PI15: variants seen among roughly 807,000 people sequenced by gnomAD.
PI15 encodes the protein peptidase inhibitor 15, also known as 25 kDa trypsin inhibitor.
PI15 carries 18 observed loss-of-function variants against 31.0 expected under a neutral mutation model. The observed-to-expected ratio is 0.58, with a 90% CI of 0.40 to 0.86. The LOEUF is 0.86. Ranked by LOEUF, PI15 falls within the 40% of genes least tolerant of loss-of-function variation. The pLI, the probability that PI15 is intolerant of heterozygous loss-of-function variation, is 0.00. For missense variants in PI15, 282 were observed against 328.1 expected (o/e 0.86, Z 1.09); for synonymous variants, 118 against 119.1 (o/e 0.99, Z 0.06).
In PI15 at chr8:74,849,198, C is replaced by A. The variant is rs1782594758; in HGVS notation, c.722C>A (p.Thr241Asn). 1 of 1,612,204 alleles carries A rather than the reference C, an allele frequency of 6.2e-7. No individual in the cohort carries two copies. Among genetic ancestry groups the A allele is most frequent in the Admixed American group, 1.7e-5 (1 of 59,982 alleles). The change falls in exon 6 of 6, where the codon ACT (threonine) becomes AAT (asparagine). Residue 241 changes from threonine (T) to asparagine (N), a missense_variant. Coordinates refer to ENST00000260113, the MANE Select transcript of PI15 (RefSeq NM_015886.5). ...CCTCCAAGTTATGGGGGATCTTGTACTGACAATCTGTGTTTTCCAGGAGTT... is the reference window on the plus strand; with the variant it reads ...CCTCCAAGTTATGGGGGATCTTGTAATGACAATCTGTGTTTTCCAGGAGTT... ...SCPPSYGGSCTDNLCFPGVTS... is the reference protein window; with the variant it reads ...SCPPSYGGSCNDNLCFPGVTS...
At position 74,825,404 on chromosome 8, in the gene PI15, A is replaced by C; in HGVS notation, c.155A>C (p.Asp52Ala). 1.9e-6 allele frequency: 3 copies of C among 1,613,494 alleles called. No individual in the cohort carries two copies. The highest frequency in any genetic ancestry group is 2.5e-6 in the Non-Finnish European group (3 of 1,179,604). ...CTGAAAGCACAATTAGATTCAGCGG[A>C]TATCCCCAAAGCCAGGCGGAAGCGC... Reference protein sequence around the residue: ...AALKAQLDSADIPKARRKRYI... With the variant: ...AALKAQLDSAAIPKARRKRYI... The change falls in exon 2 of 6, where the codon GAT becomes GCT. Residue 52 changes from aspartate (D) to alanine (A), a missense_variant. Coordinates refer to ENST00000260113, the MANE Select transcript of PI15 (RefSeq NM_015886.5).
In PI15 at chr8:74,850,042, A is replaced by G. The variant is rs1164043909; in HGVS notation, c.*789A>G. 6.6e-6 allele frequency: 1 copy of G among 152,228 alleles called. No individual in the cohort carries two copies. 9.4% of individuals were successfully genotyped at this position (152,228 alleles called of 1,614,324 possible). On this transcript the variant is annotated 3_prime_UTR_variant, in exon 6 of 6. Coordinates refer to ENST00000260113, the MANE Select transcript of PI15 (RefSeq NM_015886.5). ...TAATTAGACATGGTTCCCGCCCTCAAGAAGCTCACAAAAGTATTCAGGAAA... is the reference window on the plus strand; with the variant it reads ...TAATTAGACATGGTTCCCGCCCTCAGGAAGCTCACAAAAGTATTCAGGAAA...
At chr8:74,848,374 G>C (rs1180701132) in intron 5 of PI15, among the ~76,000 whole-genome samples, 1 of 152,028 alleles carries the variant, frequency 6.6e-6, no homozygotes, top group African/African-American at 2.4e-5. Flanking sequence ...AAAATACTTT[G>C]CAGAAGCAAA....
chr8:74,825,535 CT>C lies in PI15; in HGVS notation c.273+27del, dbSNP rs36083765. ...TATGGAATATATGGTAAGAAGAATTCTTTTTTTTTTTTTTAAGTTCTGAGTG... is the reference window on the plus strand; with the variant it reads ...TATGGAATATATGGTAAGAAGAATTCTTTTTTTTTTTTTAAGTTCTGAGTG... On this transcript the variant is annotated intron_variant, in intron 2 of 5. Coordinates refer to ENST00000260113, the MANE Select transcript of PI15 (RefSeq NM_015886.5). 128,785 of 1,315,906 alleles carry C rather than the reference CT, an allele frequency of 0.098. 2 individuals carry two copies. The highest frequency in any genetic ancestry group is 0.26 in the East Asian group (8,216 of 31,158). 81.5% of individuals were successfully genotyped at this position (1,315,906 alleles called of 1,614,324 possible).
chr8:74,832,115 A>G (rs1323132904), intron 2 of PI15, among the ~76,000 whole-genome samples: 1 of 152,146 alleles, frequency 6.6e-6, no homozygotes, highest in African/African-American at 2.4e-5. Context: ...AAAAACCATA[A>G]ATTAGAACCG....
chr8:74,845,560 AT>A (rs1486445372), intron 5 of PI15, 63 bp downstream of exon 5: 1 of 1,007,954 alleles, frequency 9.9e-7, no homozygotes, highest in Non-Finnish European at 1.6e-6. Context: ...CCCTAGGCTG[AT>A]AGTTATCTGT....
At position 74,845,136 on chromosome 8, in the gene PI15, C is replaced by G. The variant is rs375393764; in HGVS notation, c.401C>G (p.Ser134Cys). 2.2e-5 allele frequency: 36 copies of G among 1,612,622 alleles called. No homozygotes were observed. The highest frequency in any genetic ancestry group is 1.6e-4 in the Middle Eastern group (1 of 6,082). The change falls in exon 4 of 6, where the codon TCT (serine) becomes TGT (cysteine). Residue 134 changes from serine to cysteine, a missense_variant. Ser to Cys is a moderately radical substitution (Grantham distance 112). Coordinates refer to ENST00000260113, the MANE Select transcript of PI15 (RefSeq NM_015886.5). ...CTTTTCTTTATATGCAGATATCGCT[C>G]TATTCTCCAGTTGGTCAAGCCATGG... ...NLSVRTGRYR[S>C]ILQLVKPWYD...
chr8:74,843,788 C>G (rs1429761290), intron 2 of PI15, among the ~76,000 whole-genome samples, 193 bp from the exon 3 acceptor site: 2 of 152,022 alleles, frequency 1.3e-5, no homozygotes, highest in Non-Finnish European at 2.9e-5. Context: ...TGCTTGACCC[C>G]GGGGAGGCAG....
chr8:74,840,623 GA>G (rs1215022128), intron 2 of PI15, among the ~76,000 whole-genome samples: 1 of 152,132 alleles, frequency 6.6e-6, no homozygotes, highest in Non-Finnish European at 1.5e-5. Flanking sequence ...TCCCCTTCTT[GA>G]GTAGATGCAA....
intron 2 of PI15, among the ~76,000 whole-genome samples, chr8:74,827,613 A>G (rs1242863173): frequency 6.6e-6 from 1 of 152,156 alleles, no homozygotes; most frequent in Non-Finnish European, 1.5e-5. Flanking sequence ...GCACTGCTGG[A>G]ATTAGAATTT....
chr8:74,834,739 C>A (rs1273355466), intron 2 of PI15, among the ~76,000 whole-genome samples: 1 of 152,180 alleles, frequency 6.6e-6, no homozygotes, highest in African/African-American at 2.4e-5. Flanking sequence ...TCACTGGTTG[C>A]ACTTTCTGGT....
chr8:74,838,994 T>C (rs1810907851), intron 2 of PI15, among the ~76,000 whole-genome samples: 1 of 152,230 alleles, frequency 6.6e-6, no homozygotes, highest in Non-Finnish European at 1.5e-5. Flanking sequence ...CATCAAATTT[T>C]TCTGTCTACT....
intron 2 of PI15, among the ~76,000 whole-genome samples, chr8:74,830,418 T>C (rs1295065881): frequency 1.4e-4 from 22 of 152,138 alleles, no homozygotes; most frequent in Admixed American, 1.4e-3. Context: ...CCTATCATTT[T>C]TGGAAAAAAG....
chr8:74,825,139 G>A (rs1164610105), intron 1 of PI15, 71 bp from the exon 2 acceptor site: 4 of 853,806 alleles, frequency 4.7e-6, no homozygotes, highest in East Asian at 2.4e-5. Flanking sequence ...CCCAAATGAT[G>A]TCTTTGTAAA....
At chr8:74,828,725 A>T (rs1227542841) in intron 2 of PI15, among the ~76,000 whole-genome samples, 1 of 152,062 alleles carries the variant, frequency 6.6e-6, no homozygotes, top group Non-Finnish European at 1.5e-5. Flanking sequence ...ACTTCTCCTC[A>T]GTGAGTGATA....
Position 74,845,184 on chromosome 8 carries a change from CT to C in PI15, c.453del (p.Pro152HisfsTer12), listed in dbSNP as rs759935382. 6.2e-7 allele frequency: 1 copy of C among 1,612,230 alleles called. No individual in the cohort carries two copies. Among genetic ancestry groups the C allele is most frequent in the South Asian group, 1.1e-5 (1 of 91,048 alleles). Reference sequence around the variant, plus strand: ...TGGTATGATGAAGTGAAAGATTATGCTTTTCCATATCCCCAGGATTGCAACC... The same window carrying C: ...TGGTATGATGAAGTGAAAGATTATGCTTTCCATATCCCCAGGATTGCAACC... ...KPWYDEVKDY[A>X]FPYPQDCNPR... On this transcript the variant is annotated frameshift_variant, in exon 4 of 6. Coordinates refer to ENST00000260113, the MANE Select transcript of PI15 (RefSeq NM_015886.5). LOFTEE classifies it high-confidence loss of function.
intron 2 of PI15, among the ~76,000 whole-genome samples, chr8:74,828,199 G>A (rs985578575): frequency 5.3e-5 from 8 of 152,068 alleles, no homozygotes; most frequent in Non-Finnish European, 1.2e-4. Context: ...GTGGCTTGTG[G>A]TAAGGGTTTG....
chr8:74,850,991 T>C lies in PI15; in HGVS notation c.*1738T>C, dbSNP rs1811096946. On this transcript the variant is annotated 3_prime_UTR_variant, in exon 6 of 6. Coordinates refer to ENST00000260113, the MANE Select transcript of PI15 (RefSeq NM_015886.5). The stretch of plus-strand genomic sequence containing the variant: ...GTTTCTTGTACACATTTGGATACTT[T>C]GAAAGATGACAGATTGTTAAATCCA... The C allele has an allele frequency of 6.6e-6, 1 of 152,596 alleles. No individual in the cohort carries two copies. Among genetic ancestry groups the C allele is most frequent in the African/African-American group, 2.4e-5 (1 of 41,450 alleles). The allele number at this position is 152,596 out of a possible 1,614,324, so 9.5% of individuals were successfully genotyped here. A position where few individuals can be genotyped will look rare whatever the true frequency, so the allele number is the denominator to read the frequency against.
Position 74,843,952 on chromosome 8 carries a change from G to T in PI15, c.274-29G>T, listed in dbSNP as rs537958811. 4.0e-6 allele frequency: 4 copies of T among 1,002,960 alleles called. No individual in the cohort carries two copies. The African/African-American group carries it at 4.8e-5, about 12-fold the overall frequency. 62.1% of individuals were successfully genotyped at this position (1,002,960 alleles called of 1,614,324 possible). A position where few individuals can be genotyped will look rare whatever the true frequency, so the allele number is the denominator to read the frequency against. On this transcript the variant is annotated intron_variant, in intron 2 of 5. Coordinates refer to ENST00000260113, the MANE Select transcript of PI15 (RefSeq NM_015886.5). ...TTTTTGTTTGTTATCAGCAAATTCC[G>T]TAACGCTGAAGATTTTTTTCCCCTA...
Sources: gnomAD v4.1 joint callset for allele counts (sites outside exome capture counted in the v4.1 genomes callset) on GRCh38, gnomAD v4.1.1 for gene constraint, MANE v1.5 for transcripts, NCBI Gene and HGNC (gene_info 2026-07-23, HGNC 2026-07-21) for gene names.